TBCD: variants seen among roughly 807,000 people sequenced by gnomAD.
The protein encoded by TBCD is tubulin folding cofactor D.
A neutral mutation model predicts 169.3 loss-of-function variants in TBCD; 105 were observed. That is an observed-to-expected ratio of 0.62 (90% CI 0.53 to 0.73). The LOEUF (loss-of-function observed/expected upper bound fraction) is 0.73. Among genes scored for constraint, TBCD ranks in the 30% least tolerant of loss-of-function variants. TBCD has a pLI of 0.00. For missense variants in TBCD, 1,444 were observed against 1,600.1 expected, an observed-to-expected ratio of 0.90 and a Z score of 1.66; for synonymous variants, 700 against 643.9, an observed-to-expected ratio of 1.09 and a Z score of -1.32.
Position 82,781,583 on chromosome 17 carries a change from T to C in TBCD, c.639-6T>C. On this transcript the variant is annotated splice_region_variant and splice_polypyrimidine_tract_variant and intron_variant, in intron 6 of 38. Transcript: ENST00000355528. ...AGGCCTTGGTTGAGCTGTATCCTTTTGGCAGATTTATCACACGTCCTGATG... is the reference window on the plus strand; with the variant it reads ...AGGCCTTGGTTGAGCTGTATCCTTTCGGCAGATTTATCACACGTCCTGATG... 6.2e-7 allele frequency: 1 copy of C among 1,613,568 alleles called. No homozygotes were observed. The highest frequency in any genetic ancestry group is 8.5e-7 in the Non-Finnish European group (1 of 1,179,830).
Position 82,874,603 on chromosome 17 carries a change from T to C in TBCD, c.1475+4223T>C, listed in dbSNP as rs1032956870. Among the ~76,000 whole-genome samples the C allele has an allele frequency of 1.3e-5, 2 of 152,030 alleles. No individual in the cohort carries two copies. The highest frequency in any genetic ancestry group is 4.8e-5 in the African/African-American group (2 of 41,390). ...TTGGAGCCGTGCCCGCCGGCCTGGG[T>C]GTCAGGCTTGTCCAACGGGTTCTTA... On this transcript the variant is annotated intron_variant, in intron 14 of 38. Transcript: ENST00000355528. This position sits in a 1 kb window ranked among gnomAD's most constrained non-coding sequence, Gnocchi z 5.0.
At chr17:82,762,449 G>C (rs1398476255) in intron 2 of TBCD, among the ~76,000 whole-genome samples, 1 of 151,854 alleles carries the variant, frequency 6.6e-6, no homozygotes, top group Non-Finnish European at 1.5e-5. Flanking sequence ...TGTCTTACTT[G>C]TAGAAAGTGT....
At chr17:82,894,895 T>G (rs771489286) in intron 17 of TBCD, among the ~76,000 whole-genome samples, 1 of 152,168 alleles carries the variant, frequency 6.6e-6, no homozygotes, top group Non-Finnish European at 1.5e-5. Context: ...GAGAATCACT[T>G]GAGCCCGGGA....
chr17:82,846,857 C>T (rs527922525), intron 13 of TBCD, among the ~76,000 whole-genome samples: 8 of 152,222 alleles, frequency 5.3e-5, no homozygotes, highest in South Asian at 4.1e-4. Context: ...TGCCTGGGAC[C>T]GCGTGTCCAG....
At chr17:82,794,811 T>C (rs1325943384) in intron 7 of TBCD, among the ~76,000 whole-genome samples, 1 of 152,258 alleles carries the variant, frequency 6.6e-6, no homozygotes, top group African/African-American at 2.4e-5. Context: ...TTGGGGCTTT[T>C]CTCTGTGTGT....
intron 18 of TBCD, among the ~76,000 whole-genome samples, chr17:82,901,839 TAC>T (rs2059917443): frequency 6.6e-6 from 1 of 152,254 alleles, no homozygotes; most frequent in African/African-American, 2.4e-5. Flanking sequence ...CTGCAAATGT[TAC>T]ACCAAAACTC....
chr17:82,828,415 C>T (rs113635737), intron 13 of TBCD, among the ~76,000 whole-genome samples: 10 of 151,466 alleles, frequency 6.6e-5, no homozygotes, highest in African/African-American at 2.4e-4. Flanking sequence ...TGCACACACA[C>T]CCGCAGATAT....
chr17:82,910,323 G>GA (rs1219013922), intron 22 of TBCD, among the ~76,000 whole-genome samples: 36 of 152,278 alleles, frequency 2.4e-4, no homozygotes, highest in Non-Finnish European at 1.9e-4. Context: ...CGCTGCTGCT[G>GA]GAGTCTGCCT....
At chr17:82,816,988 T>G (rs748450785) in intron 13 of TBCD, among the ~76,000 whole-genome samples, 1 of 152,252 alleles carries the variant, frequency 6.6e-6, no homozygotes, top group East Asian at 1.9e-4. Context: ...TTTGGAGAAA[T>G]GTCTTTTCAA....
chr17:82,939,442 G>A lies in TBCD; in HGVS notation c.3445G>A (p.Asp1149Asn). ...TGACGTCGTGGGCGCGGATGTGCTG[G>A]ACGAGGTGGTGACTGTGCTCAGTGA... Reference protein sequence around the residue: ...YSDVVGADVLDEVVTVLSDTA... With the variant: ...YSDVVGADVLNEVVTVLSDTA... Residue 1149 changes from aspartate to asparagine, a missense_variant, in exon 37 of 39, where the codon GAC becomes AAC. By Grantham distance (23) the Asp-to-Asn change is conservative. Coordinates refer to ENST00000355528, the MANE Select transcript of TBCD (RefSeq NM_005993.5). 6.2e-7 allele frequency: 1 copy of A among 1,613,676 alleles called. No homozygotes were observed. Among genetic ancestry groups the A allele is most frequent in the Non-Finnish European group, 8.5e-7 (1 of 1,179,848 alleles).
intron 6 of TBCD, 106 bp downstream of exon 6, chr17:82,772,613 C>T (rs939946902): frequency 3.3e-5 from 41 of 1,243,898 alleles, no homozygotes; most frequent in South Asian, 6.0e-5. Context: ...CGAAGGACCC[C>T]GGGAAGTCTT....
chr17:82,927,807 G>C, intron 29 of TBCD, 98 bp from the exon 30 acceptor site: 4 of 1,023,642 alleles, frequency 3.9e-6, no homozygotes, highest in Non-Finnish European at 6.0e-6. Flanking sequence ...GGTTAGTCAC[G>C]GGTGTCGAAT....
chr17:82,896,373 CAT>C (rs1400395092), intron 17 of TBCD, among the ~76,000 whole-genome samples: 1 of 151,428 alleles, frequency 6.6e-6, no homozygotes, highest in Non-Finnish European at 1.5e-5. Context: ...CTGCGGTGAA[CAT>C]GTGTGTACAC....
chr17:82,939,539 C>T, intron 37 of TBCD, 63 bp downstream of exon 37: 1 of 1,313,542 alleles, frequency 7.6e-7, no homozygotes, highest in Non-Finnish European at 1.1e-6. Flanking sequence ...CCTGTCCCCA[C>T]CGTGTCTACT....
At position 82,831,689 on chromosome 17, in the gene TBCD, A is replaced by C; in HGVS notation, c.1318+16755A>C. The C allele has an allele frequency of 1.2e-6, 2 of 1,614,150 alleles. No homozygotes were observed. The highest frequency in any genetic ancestry group is 8.5e-7 in the Non-Finnish European group (1 of 1,180,024). ...CTCCCAGCCAGCAGGTAAGGCGAGTAGATGGTGGCCAGCCCGTGCTCTGTG... is the reference window on the plus strand; with the variant it reads ...CTCCCAGCCAGCAGGTAAGGCGAGTCGATGGTGGCCAGCCCGTGCTCTGTG... On this transcript the variant is annotated intron_variant, in intron 13 of 38. Coordinates refer to ENST00000355528, the MANE Select transcript of TBCD (RefSeq NM_005993.5). The surrounding 1 kb of genome is among the most constrained non-coding windows in gnomAD (Gnocchi z 4.6).
In TBCD at chr17:82,915,153, G is replaced by T. The variant is rs1227236316; in HGVS notation, c.2038+3364G>T. Among the ~76,000 whole-genome samples the T allele has an allele frequency of 2.0e-5, 3 of 152,116 alleles. No homozygotes were observed. Among genetic ancestry groups the T allele is most frequent in the Non-Finnish European group, 4.4e-5 (3 of 68,012 alleles). On this transcript the variant is annotated intron_variant, in intron 23 of 38. Transcript: ENST00000355528. This position sits in a 1 kb window ranked among gnomAD's most constrained non-coding sequence, Gnocchi z 4.3. ...ATGTGGGAGACGGGGAGGGGCTGCT[G>T]GTCACTTTCTCACCCAGGCCAGAGG...
Position 82,915,489 on chromosome 17 carries a change from C to T in TBCD, c.2038+3700C>T, listed in dbSNP as rs1568031666. On this transcript the variant is annotated intron_variant, in intron 23 of 38. Transcript: ENST00000355528. This position sits in a 1 kb window ranked among gnomAD's most constrained non-coding sequence, Gnocchi z 4.3. Reference sequence around the variant, plus strand: ...AGGAAGATGAGCGTCCCCTTGTCTCCGTCTTAGTCTCAGTGGCTCTTGCAT... The same window carrying T: ...AGGAAGATGAGCGTCCCCTTGTCTCTGTCTTAGTCTCAGTGGCTCTTGCAT... Among the ~76,000 whole-genome samples the T allele has an allele frequency of 6.6e-6, 1 of 152,282 alleles. No homozygotes were observed. The highest frequency in any genetic ancestry group is 1.9e-4 in the East Asian group (1 of 5,184).
At chr17:82,813,297 C>T (rs917901708) in intron 12 of TBCD, among the ~76,000 whole-genome samples, 7 of 152,174 alleles carry the variant, frequency 4.6e-5, no homozygotes, top group East Asian at 1.9e-4. Flanking sequence ...CTTCCTCTCC[C>T]GCTCATCCGC....
chr17:82,850,676 G>C (rs113987625), intron 13 of TBCD, among the ~76,000 whole-genome samples: 3,368 of 152,168 alleles, frequency 0.022, 144 homozygotes, highest in African/African-American at 0.077. Context: ...TGTGTGTGCT[G>C]ACCCCGGACC....
Sources: gnomAD v4.1 joint callset for allele counts (sites outside exome capture counted in the v4.1 genomes callset) on GRCh38, gnomAD v4.1.1 for gene constraint, Gnocchi (gnomAD v3.1) non-coding constraint, MANE v1.5 for transcripts, NCBI Gene and HGNC (gene_info 2026-07-23, HGNC 2026-07-21) for gene names.